KANSL1L: variants seen among roughly 807,000 people sequenced by gnomAD.
The protein encoded by KANSL1L is KAT8 regulatory NSL complex subunit 1 like.
A neutral mutation model predicts 108.6 loss-of-function variants in KANSL1L; 25 were observed. That is an observed-to-expected ratio of 0.23 (90% CI 0.17 to 0.32). KANSL1L has a LOEUF of 0.32. Among genes scored for constraint, KANSL1L ranks in the 10% least tolerant of loss-of-function variants. KANSL1L has a pLI of 1.00. For synonymous variants in KANSL1L, 405 were observed against 395.1 expected (o/e 1.03, Z -0.30); for missense variants, 1,137 against 1,125.7 (o/e 1.01, Z -0.14).
At chr2:210,161,518 A>G (rs955534778) in intron 1 of KANSL1L, among the ~76,000 whole-genome samples, 10 of 152,242 alleles carry the variant, frequency 6.6e-5, no homozygotes, top group Non-Finnish European at 1.5e-4. Context: ...CTTTAGGCAA[A>G]GCTTTTTTTA....
At chr2:210,059,339 G>T (rs1168018445) in intron 6 of KANSL1L, among the ~76,000 whole-genome samples, 2 of 152,142 alleles carry the variant, frequency 1.3e-5, no homozygotes, top group Non-Finnish European at 2.9e-5. Flanking sequence ...TCCCACTTCC[G>T]CCAGCACAGC....
intron 5 of KANSL1L, among the ~76,000 whole-genome samples, chr2:210,079,648 A>ATATATATATATGTGTGTG (rs2094570727): frequency 6.6e-5 from 1 of 15,220 alleles, no homozygotes; most frequent in Non-Finnish European, 1.2e-4. Context: ...ATATATATAT[A>ATATATATATATGTGTGTG]TATATATATA....
At chr2:210,028,637 C>T in intron 11 of KANSL1L, 1 of 427,130 alleles carries the variant, frequency 2.3e-6, no homozygotes, top group Non-Finnish European at 4.1e-6. Context: ...TCTAGGAATT[C>T]CTAAATCTTA....
Position 210,023,004 on chromosome 2 carries a change from A to AT in KANSL1L, c.2908dup (p.Met970AsnfsTer13). 6.2e-7 allele frequency: 1 copy of AT among 1,613,934 alleles called. No individual in the cohort carries two copies. The highest frequency in any genetic ancestry group is 1.1e-5 in the South Asian group (1 of 91,078). On this transcript the variant is annotated frameshift_variant, in exon 15 of 15. Coordinates refer to ENST00000281772, the MANE Select transcript of KANSL1L (RefSeq NM_152519.4). LOFTEE classifies it high-confidence loss of function. Reference sequence around the variant, plus strand: ...TAGACCAAAGGTTTTGTATTCTTCCATTCCATCTGACTGCTTTTTTGGATG... The same window carrying AT: ...TAGACCAAAGGTTTTGTATTCTTCCATTTCCATCTGACTGCTTTTTTGGATG...
chr2:210,023,868 A>G (rs2093896023), intron 14 of KANSL1L, among the ~76,000 whole-genome samples, 165 bp downstream of exon 14: 1 of 152,234 alleles, frequency 6.6e-6, no homozygotes, highest in African/African-American at 2.4e-5. Context: ...CAAGGTGATT[A>G]TAGTTAGTAG....
At chr2:210,041,948 G>A in intron 7 of KANSL1L, among the ~76,000 whole-genome samples, 1 of 152,090 alleles carries the variant, frequency 6.6e-6, no homozygotes, top group Middle Eastern at 3.2e-3. Flanking sequence ...ATGAAAATGG[G>A]AATAAAAACT....
At chr2:210,028,640 A>G in intron 11 of KANSL1L, 1 of 436,914 alleles carries the variant, frequency 2.3e-6, no homozygotes, top group Non-Finnish European at 4.0e-6. Context: ...AGGAATTCCT[A>G]AATCTTAATA....
chr2:210,052,325 C>CT (rs760173513), intron 6 of KANSL1L, among the ~76,000 whole-genome samples: 3 of 151,382 alleles, frequency 2.0e-5, no homozygotes, highest in Non-Finnish European at 2.9e-5. Context: ...TCTAAAGGCA[C>CT]TTTTTTTTTG....
rs2094198477 is a variant in KANSL1L, at chr2:210,044,143, C to T, written c.1756-39G>A. On this transcript the variant is annotated intron_variant, in intron 6 of 14. Transcript: ENST00000281772. The surrounding 1 kb of genome is among the most constrained non-coding windows in gnomAD (Gnocchi z 4.2). ...CCGTATTAGAATATCACAGCCAAAG[C>T]ATCCATAAATGGCATATCTCTACAT... is the stretch of plus-strand genomic sequence containing the variant. The T allele has an allele frequency of 1.4e-6, 2 of 1,436,426 alleles. No homozygotes were observed. The highest frequency in any genetic ancestry group is 2.6e-5 in the East Asian group (1 of 39,082). The allele number at this position is 1,436,426 out of a possible 1,614,324, so 89.0% of individuals were successfully genotyped here. A position where few individuals can be genotyped will look rare whatever the true frequency, so the allele number is the denominator to read the frequency against.
intron 6 of KANSL1L, among the ~76,000 whole-genome samples, chr2:210,068,690 C>T (rs890811276): frequency 2.0e-5 from 3 of 152,116 alleles, no homozygotes; most frequent in Non-Finnish European, 4.4e-5. Context: ...GTCTGACAAC[C>T]TTTTTCATTT....
chr2:210,047,797 T>C (rs2094241418), intron 6 of KANSL1L, among the ~76,000 whole-genome samples: 1 of 152,158 alleles, frequency 6.6e-6, no homozygotes, highest in African/African-American at 2.4e-5. Flanking sequence ...AAAAACCACA[T>C]AGGTTCCAAA....
chr2:210,124,068 T>C (rs1222729163), intron 3 of KANSL1L, among the ~76,000 whole-genome samples: 1 of 152,152 alleles, frequency 6.6e-6, no homozygotes, highest in Non-Finnish European at 1.5e-5. Context: ...TGGATACTTC[T>C]ATAACTCACT....
At chr2:210,054,708 C>T (rs2094330632) in intron 6 of KANSL1L, among the ~76,000 whole-genome samples, 1 of 149,814 alleles carries the variant, frequency 6.7e-6, no homozygotes, top group Admixed American at 6.7e-5. Flanking sequence ...ACTAGAAGTT[C>T]TAGCCACAGC....
intron 2 of KANSL1L, among the ~76,000 whole-genome samples, chr2:210,138,336 G>GT (rs1476265050): frequency 6.6e-6 from 1 of 151,822 alleles, no homozygotes; most frequent in African/African-American, 2.4e-5. Context: ...AAGGGGGTGG[G>GT]TAAGGGTTGA....
chr2:210,040,429 G>C lies in KANSL1L; in HGVS notation c.2020C>G (p.Pro674Ala), dbSNP rs139215401. 2.9e-6 allele frequency: 4 copies of C among 1,400,612 alleles called. No homozygotes were observed. Among genetic ancestry groups the C allele is most frequent in the African/African-American group, 1.4e-5 (1 of 70,430 alleles). The allele number at this position is 1,400,612 out of a possible 1,614,324, so 86.8% of individuals were successfully genotyped here. ...NKFVDEYIIS[P>A]SPVHSTLNQW... ...TGTAAATGTGACATACCAGGTGATG[G>C]AGATATGATATATTCATCTACAAAT... The change falls in exon 8 of 15, where the codon CCA becomes GCA. Residue 674 changes from proline to alanine, a missense_variant. By Grantham distance (27) the Pro-to-Ala change is conservative. Coordinates refer to ENST00000281772, the MANE Select transcript of KANSL1L (RefSeq NM_152519.4).
At chr2:210,077,851 G>C (rs2094553213) in intron 5 of KANSL1L, among the ~76,000 whole-genome samples, 1 of 152,134 alleles carries the variant, frequency 6.6e-6, no homozygotes, top group South Asian at 2.1e-4. Context: ...TGAAATGAAA[G>C]GACACAACTT....
At chr2:210,047,229 A>G (rs1463576199) in intron 6 of KANSL1L, among the ~76,000 whole-genome samples, 1 of 152,172 alleles carries the variant, frequency 6.6e-6, no homozygotes, top group Non-Finnish European at 1.5e-5. Context: ...CTCTTTCTTT[A>G]CAATATGAAT....
chr2:210,061,285 A>G (rs1029720967), intron 6 of KANSL1L, among the ~76,000 whole-genome samples: 4 of 152,332 alleles, frequency 2.6e-5, no homozygotes, highest in African/African-American at 7.2e-5. Context: ...AGGAATTCTA[A>G]TCTTGGATGC....
At chr2:210,024,002 T>A (rs1173527166) in intron 14 of KANSL1L, 31 bp downstream of exon 14, 15 of 1,430,234 alleles carry the variant, frequency 1.0e-5, no homozygotes, top group Non-Finnish European at 1.3e-5. Flanking sequence ...AGTCAAGGAA[T>A]GGGAAGTTTA....
Sources: allele counts gnomAD v4.1 joint callset (sites outside exome capture counted in the v4.1 genomes callset), GRCh38; gene constraint gnomAD v4.1.1; non-coding constraint Gnocchi (gnomAD v3.1); transcripts MANE v1.5; gene names NCBI Gene and HGNC (gene_info 2026-07-23, HGNC 2026-07-21).